Variants in WWC1 observed in about 807,000 individuals in gnomAD.
WWC1 encodes the protein protein KIBRA.
Under a neutral mutation model 138.4 loss-of-function variants are expected in WWC1, and 55 were observed. The observed-to-expected ratio is 0.40, with a 90% CI of 0.32 to 0.50. The LOEUF (loss-of-function observed/expected upper bound fraction) is 0.50. Among genes scored for constraint, WWC1 ranks in the 20% least tolerant of loss-of-function variants. The probability of loss-of-function intolerance (pLI) is 0.72; values close to 1 mark genes in which losing one functional copy is unlikely to be tolerated. For synonymous variants in WWC1, 524 were observed against 564.9 expected, an observed-to-expected ratio of 0.93 and a Z score of 1.03; for missense variants, 1,226 against 1,420.4, an observed-to-expected ratio of 0.86 and a Z score of 2.20.
At chr5:168,373,078 A>G (rs1205993337) in intron 2 of WWC1, among the ~76,000 whole-genome samples, 1 of 152,170 alleles carries the variant, frequency 6.6e-6, no homozygotes, top group Non-Finnish European at 1.5e-5. Flanking sequence ...CGTACTGGAT[A>G]ATGAGAAGTA....
At chr5:168,458,905 C>A (rs1372031999) in intron 19 of WWC1, among the ~76,000 whole-genome samples, 1 of 152,126 alleles carries the variant, frequency 6.6e-6, no homozygotes, top group Non-Finnish European at 1.5e-5. Flanking sequence ...TCCTGATACC[C>A]ATTTCTGGTC....
chr5:168,467,736 G>A, intron 21 of WWC1, 104 bp from the exon 22 acceptor site: 4 of 1,510,268 alleles, frequency 2.6e-6, no homozygotes, highest in Non-Finnish European at 3.6e-6. Flanking sequence ...GCAAGAGTGA[G>A]GGTGCCGTCC....
intron 15 of WWC1, among the ~76,000 whole-genome samples, chr5:168,431,766 G>A (rs1399857131): frequency 6.6e-6 from 1 of 152,146 alleles, no homozygotes; most frequent in East Asian, 1.9e-4. Flanking sequence ...CAGCATGAGA[G>A]ATTAGATAAG....
At chr5:168,343,623 A>T (rs1561635874) in intron 1 of WWC1, among the ~76,000 whole-genome samples, 3 of 152,116 alleles carry the variant, frequency 2.0e-5, no homozygotes, top group African/African-American at 7.2e-5. Flanking sequence ...AGAGGTCAAG[A>T]CCATCCTGAC....
At chr5:168,340,013 CTTT>C (rs56293321) in intron 1 of WWC1, among the ~76,000 whole-genome samples, 87 of 133,182 alleles carry the variant, frequency 6.5e-4, no homozygotes, top group Non-Finnish European at 8.7e-4. Flanking sequence ...CTCTTTCTTT[CTTT>C]TCTTTCTTTC....
chr5:168,308,574 C>G (rs6555800), intron 1 of WWC1, among the ~76,000 whole-genome samples: 114,019 of 152,056 alleles, frequency 0.75, 42,966 homozygotes, highest in African/African-American at 0.79. Flanking sequence ...AAGGCAGTGT[C>G]ATCTGTTGGC....
At chr5:168,371,377 T>C (rs757597381) in intron 1 of WWC1, 47 bp from the exon 2 acceptor site, 17 of 1,462,188 alleles carry the variant, frequency 1.2e-5, no homozygotes, top group Non-Finnish European at 1.4e-5. Flanking sequence ...TTGCAGGCAT[T>C]TGGGGACTGT....
chr5:168,457,784 C>T (rs1455828878), intron 19 of WWC1, among the ~76,000 whole-genome samples: 2 of 152,254 alleles, frequency 1.3e-5, no homozygotes, highest in African/African-American at 4.8e-5. Context: ...CAGGTTCCTG[C>T]CATGGCTGGC....
At chr5:168,435,415 A>C (rs531053497) in intron 15 of WWC1, among the ~76,000 whole-genome samples, 19 of 152,270 alleles carry the variant, frequency 1.2e-4, no homozygotes, top group Admixed American at 4.6e-4. Context: ...AAACAAAACA[A>C]AAAAATTTTT....
intron 19 of WWC1, 71 bp from the exon 20 acceptor site, chr5:168,460,579 C>T: frequency 6.6e-7 from 1 of 1,506,678 alleles, no homozygotes; most frequent in Non-Finnish European, 9.2e-7. Context: ...CCTGACCTCC[C>T]TCTAGGCTTC....
At chr5:168,295,516 GTGTT>G (rs1310447150) in intron 1 of WWC1, among the ~76,000 whole-genome samples, 1 of 151,128 alleles carries the variant, frequency 6.6e-6, no homozygotes, top group Non-Finnish European at 1.5e-5. Context: ...GTGTGTGTGT[GTGTT>G]TATTTGCCTT....
In WWC1 at chr5:168,431,457, TCTGGCTGGCTGGCTGGCTGGCTGG is replaced by T. The variant is rs11279828; in HGVS notation, c.2280+37_2280+60del. The T allele has an allele frequency of 1.6e-4, 224 of 1,414,550 alleles. 1 individual carries two copies. Among genetic ancestry groups the T allele is most frequent in the South Asian group, 7.3e-4 (54 of 73,948 alleles). The allele number at this position is 1,414,550 out of a possible 1,614,324, so 87.6% of individuals were successfully genotyped here. A position where few individuals can be genotyped will look rare whatever the true frequency, so the allele number is the denominator to read the frequency against. On this transcript the variant is annotated intron_variant, in intron 15 of 22. Coordinates refer to ENST00000265293, the MANE Select transcript of WWC1 (RefSeq NM_015238.3). ...GGAAGAGTGCCTGGTAAGGGCCGTGTCTGGCTGGCTGGCTGGCTGGCTGGCTGGCTGGCTGGCTGGCTGGCTGAC... is the reference window on the plus strand; with the variant it reads ...GGAAGAGTGCCTGGTAAGGGCCGTGTCTGGCTGGCTGGCTGGCTGGCTGAC...
intron 15 of WWC1, among the ~76,000 whole-genome samples, chr5:168,436,003 T>TGGCC (rs1782325143): frequency 6.6e-6 from 1 of 152,072 alleles, no homozygotes; most frequent in Non-Finnish European, 1.5e-5. Context: ...CCACCACACC[T>TGGCC]GGCTAATTTT....
intron 1 of WWC1, among the ~76,000 whole-genome samples, chr5:168,298,653 A>G (rs1769781087): frequency 6.6e-6 from 1 of 152,190 alleles, no homozygotes; most frequent in Admixed American, 6.5e-5. Flanking sequence ...GAATAAAATA[A>G]TAGTCAATAC....
At chr5:168,365,245 A>C (rs1329659568) in intron 1 of WWC1, among the ~76,000 whole-genome samples, 2 of 152,138 alleles carry the variant, frequency 1.3e-5, no homozygotes, top group African/African-American at 4.8e-5. Context: ...CAGCCTGGCC[A>C]TTGTGCCTGG....
intron 3 of WWC1, among the ~76,000 whole-genome samples, chr5:168,392,185 G>A (rs763982702): frequency 2.0e-5 from 3 of 152,290 alleles, no homozygotes; most frequent in African/African-American, 7.2e-5. Flanking sequence ...CAGAGCCAGA[G>A]TGTACTATCC....
At chr5:168,398,073 A>G (rs1779041596) in intron 4 of WWC1, among the ~76,000 whole-genome samples, 2 of 150,004 alleles carry the variant, frequency 1.3e-5, no homozygotes, top group Admixed American at 6.7e-5. Context: ...CGTCATCTGC[A>G]TTTTATTATT....
At chr5:168,397,060 G>C (rs1368411994) in intron 3 of WWC1, among the ~76,000 whole-genome samples, 1 of 151,696 alleles carries the variant, frequency 6.6e-6, no homozygotes, top group African/African-American at 2.4e-5. Flanking sequence ...CTAGATATCA[G>C]TGTTCTCTTT....
At chr5:168,447,149 C>A (rs1034885836) in intron 17 of WWC1, among the ~76,000 whole-genome samples, 1 of 152,202 alleles carries the variant, frequency 6.6e-6, no homozygotes, top group Non-Finnish European at 1.5e-5. Context: ...GCCACTATGT[C>A]ATGGGGTATT....
Sources: allele counts gnomAD v4.1 joint callset (sites outside exome capture counted in the v4.1 genomes callset), GRCh38; gene constraint gnomAD v4.1.1; transcripts MANE v1.5; gene names NCBI Gene and HGNC (gene_info 2026-07-23, HGNC 2026-07-21).